The following LRP1B variants were observed in gnomAD, a reference collection of about 807,000 sequenced individuals.
LRP1B encodes the protein LDL receptor related protein 1B, also known as low-density lipoprotein receptor-related protein 1B.
A neutral mutation model predicts 556.6 loss-of-function variants in LRP1B; 217 were observed. The observed-to-expected ratio is 0.39, with a 90% CI of 0.35 to 0.44. The LOEUF (loss-of-function observed/expected upper bound fraction) is 0.44, where lower values mean the gene tolerates loss of function less well. Ranked by LOEUF, LRP1B falls within the 20% of genes least tolerant of loss-of-function variation. The probability of loss-of-function intolerance (pLI) is 1.00; values close to 1 mark genes in which losing one functional copy is unlikely to be tolerated. For missense variants in LRP1B, 5,053 were observed against 5,620.8 expected, an observed-to-expected ratio of 0.90 and a Z score of 3.23; for synonymous variants, 2,047 against 1,865.8, an observed-to-expected ratio of 1.10 and a Z score of -2.50.
chr2:140,748,136 T>TATAA (rs1360430336), intron 35 of LRP1B, among the ~76,000 whole-genome samples: 863 of 35,312 alleles, frequency 0.024, 11 homozygotes, highest in African/African-American at 0.03. Context: ...TATATATATA[T>TATAA]AATTCATATA....
chr2:140,949,888 G>GTAAGTAAAGC, intron 20 of LRP1B, among the ~76,000 whole-genome samples: 1 of 79,798 alleles, frequency 1.3e-5, no homozygotes, highest in African/African-American at 7.9e-5. Flanking sequence ...GCAGTGAGCC[G>GTAAGTAAAGC]AGATGGCGCC....
chr2:140,295,043 G>T (rs1683544605), intron 84 of LRP1B, among the ~76,000 whole-genome samples: 2 of 151,538 alleles, frequency 1.3e-5, no homozygotes, highest in African/African-American at 4.8e-5. Flanking sequence ...CGCCCGGCTA[G>T]TTTTTTGTAT....
intron 89 of LRP1B, among the ~76,000 whole-genome samples, chr2:140,236,184 G>C (rs1680689786): frequency 1.3e-5 from 2 of 150,866 alleles, no homozygotes; most frequent in South Asian, 4.2e-4. Flanking sequence ...GTGAATAGTT[G>C]AGCATCAATT....
chr2:140,300,253 G>A (rs1391663186), intron 83 of LRP1B, among the ~76,000 whole-genome samples: 1 of 152,076 alleles, frequency 6.6e-6, no homozygotes, highest in Non-Finnish European at 1.5e-5. Flanking sequence ...ATATTCAGGG[G>A]AATATTACCT....
intron 7 of LRP1B, among the ~76,000 whole-genome samples, chr2:141,113,138 A>AT (rs1195203944): frequency 6.6e-6 from 1 of 152,168 alleles, no homozygotes; most frequent in Non-Finnish European, 1.5e-5. Context: ...CTAACTTTTA[A>AT]TTTTCTCCAT....
chr2:141,628,097 G>C (rs1392364156), intron 2 of LRP1B, among the ~76,000 whole-genome samples: 4 of 152,194 alleles, frequency 2.6e-5, no homozygotes, highest in African/African-American at 7.2e-5. Flanking sequence ...TGATCACAGA[G>C]TAGGACCCTG....
At chr2:141,145,996 C>T (rs1475080853) in intron 7 of LRP1B, among the ~76,000 whole-genome samples, 5 of 136,992 alleles carry the variant, frequency 3.6e-5, no homozygotes, top group Non-Finnish European at 6.1e-5. Context: ...GCAATCTCAG[C>T]TCACCGCAAC....
chr2:140,619,116 A>C (rs1574150263), intron 41 of LRP1B, among the ~76,000 whole-genome samples: 2 of 144,244 alleles, frequency 1.4e-5, no homozygotes, highest in Admixed American at 7.0e-5. Context: ...CACACACACA[A>C]CTCTGACTCA....
At chr2:140,260,988 G>A (rs1430082749) in intron 86 of LRP1B, among the ~76,000 whole-genome samples, 1 of 151,330 alleles carries the variant, frequency 6.6e-6, no homozygotes, top group African/African-American at 2.4e-5. Flanking sequence ...GTATATAGTA[G>A]TTGGTCAGTA....
intron 53 of LRP1B, 35 bp from the exon 54 acceptor site, chr2:140,503,138 A>T: frequency 6.2e-7 from 1 of 1,600,710 alleles, no homozygotes; most frequent in Non-Finnish European, 8.6e-7. Context: ...ACTAATTCAC[A>T]TAACAAATAC....
At chr2:142,118,481 C>G (rs1362216883) in intron 1 of LRP1B, among the ~76,000 whole-genome samples, 3 of 152,228 alleles carry the variant, frequency 2.0e-5, no homozygotes, top group African/African-American at 7.2e-5. Flanking sequence ...TCCAACGGGT[C>G]AACATTTTCT....
chr2:140,502,511 G>T (rs2104894097), intron 54 of LRP1B, among the ~76,000 whole-genome samples: 1 of 152,036 alleles, frequency 6.6e-6, no homozygotes, highest in East Asian at 1.9e-4. Context: ...TTAGCATTTG[G>T]AATAGAGAAG....
At chr2:141,144,093 G>A (rs1248733106) in intron 7 of LRP1B, among the ~76,000 whole-genome samples, 1 of 152,050 alleles carries the variant, frequency 6.6e-6, no homozygotes, top group African/African-American at 2.4e-5. Context: ...ACACTCCTAA[G>A]TAAGATATTC....
intron 3 of LRP1B, among the ~76,000 whole-genome samples, chr2:141,354,775 T>TAC (rs748210992): frequency 0.022 from 3,345 of 150,116 alleles, 150 homozygotes; most frequent in African/African-American, 0.077. Flanking sequence ...ACCCTGCAAT[T>TAC]ATAAAAAAAA....
intron 43 of LRP1B, among the ~76,000 whole-genome samples, chr2:140,583,431 C>T (rs980015744): frequency 4.6e-5 from 7 of 151,916 alleles, no homozygotes; most frequent in African/African-American, 1.5e-4. Flanking sequence ...TTGCCTTGAC[C>T]TCCCAAACTG....
At chr2:141,993,160 C>A (rs143962941) in intron 1 of LRP1B, among the ~76,000 whole-genome samples, 15 of 152,086 alleles carry the variant, frequency 9.9e-5, no homozygotes, top group African/African-American at 3.1e-4. Flanking sequence ...AGGGAGAGAG[C>A]AGGGGTAGCA....
chr2:142,054,848 A>C (rs941300797), intron 1 of LRP1B, among the ~76,000 whole-genome samples: 2 of 152,134 alleles, frequency 1.3e-5, no homozygotes, highest in African/African-American at 4.8e-5. Flanking sequence ...CCACTTAAGC[A>C]AAAAGTTATA....
rs1698894261 is a variant in LRP1B at position 141,879,835 on chromosome 2, T to A, written c.83-69434A>T. Reference sequence around the variant, plus strand: ...GGAAACAACTTAAAATGAATATTTTTAAAAATTACTTTATACTCCATTCTG... The same window carrying A: ...GGAAACAACTTAAAATGAATATTTTAAAAAATTACTTTATACTCCATTCTG... On this transcript the variant is annotated intron_variant, in intron 1 of 90. Coordinates refer to ENST00000389484, the MANE Select transcript of LRP1B (RefSeq NM_018557.3). 2.0e-5 allele frequency among the ~76,000 whole-genome samples: 3 copies of A among 152,036 alleles called. No homozygotes were observed. In the East Asian group the frequency reaches 5.8e-4, roughly 29 times the overall value.
At chr2:140,817,415 G>A (rs1209860875) in intron 31 of LRP1B, among the ~76,000 whole-genome samples, 2 of 151,686 alleles carry the variant, frequency 1.3e-5, no homozygotes, top group African/African-American at 2.4e-5. Context: ...TAAAAATACA[G>A]CTAATCCATA....
Sources: gnomAD v4.1 joint callset for allele counts (sites outside exome capture counted in the v4.1 genomes callset) on GRCh38, gnomAD v4.1.1 for gene constraint, MANE v1.5 for transcripts, NCBI Gene and HGNC (gene_info 2026-07-23, HGNC 2026-07-21) for gene names.